The following FNBP4 variants were observed in gnomAD, a reference collection of about 807,000 sequenced individuals.
FNBP4 encodes formin binding protein 4, also known as formin-binding protein 4.
Under a neutral mutation model 119.3 loss-of-function variants are expected in FNBP4, and 34 were observed. That is an observed-to-expected ratio of 0.28 (90% CI 0.22 to 0.38). The LOEUF is 0.38. Among genes scored for constraint, FNBP4 ranks in the 10% least tolerant of loss-of-function variants. The pLI is 1.00. For synonymous variants in FNBP4, 462 were observed against 430.6 expected (o/e 1.07, Z -0.90); for missense variants, 1,112 against 1,228.9 (o/e 0.90, Z 1.42).
chr11:47,747,410 G>A (rs1355851231), intron 6 of FNBP4, among the ~76,000 whole-genome samples: 1 of 152,002 alleles, frequency 6.6e-6, no homozygotes, highest in Non-Finnish European at 1.5e-5. Flanking sequence ...GTTTCACCAC[G>A]TTGGCCAGGC....
At chr11:47,766,015 C>G (rs1159713738) in intron 1 of FNBP4, among the ~76,000 whole-genome samples, 2 of 151,904 alleles carry the variant, frequency 1.3e-5, no homozygotes, top group African/African-American at 4.8e-5. Context: ...ACTTCAACAT[C>G]AAGGGAAGAC....
intron 6 of FNBP4, 42 bp from the exon 7 acceptor site, chr11:47,746,436 C>A: frequency 6.9e-7 from 1 of 1,444,690 alleles, no homozygotes; most frequent in South Asian, 1.3e-5. Flanking sequence ...AATTCTGAAA[C>A]AAATCTCACC....
At position 47,752,123 on chromosome 11, in the gene FNBP4, C is replaced by T. The variant is rs868499735; in HGVS notation, c.637+793G>A. Among the ~76,000 whole-genome samples, 43 of 152,044 alleles carry T rather than the reference C, an allele frequency of 2.8e-4. 2 individuals carry two copies. Among genetic ancestry groups the T allele is most frequent in the Admixed American group, 1.8e-3 (28 of 15,238 alleles). ...TATCCTACCTACCATCTTCAACATG[C>T]TTTATTTAAAAAGACAGAGGTTGGG... is the stretch of plus-strand genomic sequence containing the variant. On this transcript the variant is annotated intron_variant, in intron 4 of 16. Transcript: ENST00000263773.
At chr11:47,723,675 C>T (rs1482923419) in intron 14 of FNBP4, among the ~76,000 whole-genome samples, 1 of 152,104 alleles carries the variant, frequency 6.6e-6, no homozygotes, top group African/African-American at 2.4e-5. Flanking sequence ...AGTGATCCTC[C>T]CACCTCAGTC....
At chr11:47,752,474 CTAAAGTCTAAGGT>C (rs1456502319) in intron 4 of FNBP4, among the ~76,000 whole-genome samples, 1 of 150,728 alleles carries the variant, frequency 6.6e-6, no homozygotes, top group African/African-American at 2.4e-5. Context: ...AGACAGAATC[CTAAAGTCTAAGGT>C]TAAAGTCTCT....
chr11:47,758,446 CCT>C (rs2097624793), intron 2 of FNBP4, among the ~76,000 whole-genome samples: 1 of 152,174 alleles, frequency 6.6e-6, no homozygotes, highest in Non-Finnish European at 1.5e-5. Context: ...CAAGCAATCC[CCT>C]GCCTGAGCCT....
chr11:47,743,280 C>T (rs1013094382), intron 8 of FNBP4, among the ~76,000 whole-genome samples: 8 of 152,188 alleles, frequency 5.3e-5, no homozygotes, highest in Admixed American at 2.0e-4. Context: ...ATCAGGAGTT[C>T]GAGATCAGCC....
rs377684522 is a variant in FNBP4 at position 47,723,140 on chromosome 11, T to G, written c.2641A>C (p.Ile881Leu). Residue 881 changes from isoleucine to leucine, a missense_variant, in exon 15 of 17, where the codon ATT (isoleucine) becomes CTT (leucine). By Grantham distance (5) the Ile-to-Leu change is conservative. Around this residue, in one of 2 missense-constraint regions of FNBP4, gnomAD observed 826 missense variants for 988.8 expected, o/e 0.84. Coordinates refer to ENST00000263773, the MANE Select transcript of FNBP4 (RefSeq NM_015308.5). ...TGCAATGAGGGAGCAGTCACTCCAATTGGGACAGAACATTCTGCATAACTC... is the reference window on the plus strand; with the variant it reads ...TGCAATGAGGGAGCAGTCACTCCAAGTGGGACAGAACATTCTGCATAACTC... The part of the protein sequence containing the change: ...IMSYAECSVP[I>L]GVTAPSLQPV... 29 of 1,613,962 alleles carry G rather than the reference T, an allele frequency of 1.8e-5. No homozygotes were observed. Among genetic ancestry groups the G allele is most frequent in the Non-Finnish European group, 2.0e-5 (24 of 1,180,024 alleles).
intron 9 of FNBP4, among the ~76,000 whole-genome samples, chr11:47,734,662 T>G (rs1252172814): frequency 1.3e-5 from 2 of 152,100 alleles, no homozygotes; most frequent in East Asian, 1.9e-4. Context: ...GGTCAAAGAA[T>G]ACAAACTTTC....
intron 6 of FNBP4, among the ~76,000 whole-genome samples, chr11:47,750,688 C>CCAAA (rs2097600782): frequency 1.0e-4 from 7 of 68,058 alleles, no homozygotes; most frequent in Non-Finnish European, 1.7e-4. Flanking sequence ...GACTCTGTCT[C>CCAAA]AAAAAAAAAA....
At chr11:47,743,887 AAAGAC>A in intron 8 of FNBP4, 61 bp downstream of exon 8, 1 of 1,448,646 alleles carries the variant, frequency 6.9e-7, no homozygotes, top group Non-Finnish European at 9.6e-7. Context: ...GGAAACAAAA[AAAGAC>A]AAGAGTTTCC....
intron 9 of FNBP4, among the ~76,000 whole-genome samples, chr11:47,736,283 G>C (rs1171153055): frequency 6.6e-6 from 1 of 150,748 alleles, no homozygotes; most frequent in Admixed American, 6.6e-5. Flanking sequence ...CGGGCCGGGC[G>C]CAGTGGCTGA....
At chr11:47,744,389 T>G (rs1378659652) in intron 7 of FNBP4, among the ~76,000 whole-genome samples, 3 of 151,518 alleles carry the variant, frequency 2.0e-5, no homozygotes, top group African/African-American at 7.3e-5. Flanking sequence ...TCCTCCCACC[T>G]CACCCTTCCA....
chr11:47,746,081 A>G lies in FNBP4; in HGVS notation c.1220T>C (p.Leu407Pro). Residue 407 changes from leucine (L) to proline (P), a missense_variant, in exon 7 of 17, where the codon CTG (leucine) becomes CCG (proline). This residue lies in a region of FNBP4 where 826 missense variants were observed against 988.8 expected (regional missense o/e 0.84). Coordinates refer to ENST00000263773, the MANE Select transcript of FNBP4 (RefSeq NM_015308.5). ...TTTTTTCCTTTCCAAAACTAGCTCC[A>G]GTTCAAGGGTATCTTGTTCCTCTTC... ...EEEEEQDTLE[L>P]ELVLERKKAE... 6.3e-7 allele frequency: 1 copy of G among 1,593,878 alleles called. No individual in the cohort carries two copies. Among genetic ancestry groups the G allele is most frequent in the Non-Finnish European group, 8.5e-7 (1 of 1,174,916 alleles).
At chr11:47,725,774 A>G in intron 12 of FNBP4, 1 of 982,722 alleles carries the variant, frequency 1.0e-6, no homozygotes, top group South Asian at 4.7e-5. Flanking sequence ...GTCAATAGGG[A>G]AGTTTCACAA....
At chr11:47,748,532 G>C (rs1306930071) in intron 6 of FNBP4, among the ~76,000 whole-genome samples, 1 of 151,768 alleles carries the variant, frequency 6.6e-6, no homozygotes, top group Non-Finnish European at 1.5e-5. Context: ...GTGCTACCTT[G>C]CCTGGGTAAT....
intron 15 of FNBP4, among the ~76,000 whole-genome samples, chr11:47,720,306 A>G (rs1024022331): frequency 6.6e-6 from 1 of 152,056 alleles, no homozygotes; most frequent in African/African-American, 2.4e-5. Context: ...CGGTGGCTCA[A>G]GCCTGTAATC....
chr11:47,735,402 T>A (rs527424485), intron 9 of FNBP4, among the ~76,000 whole-genome samples: 1 of 152,322 alleles, frequency 6.6e-6, no homozygotes, highest in Non-Finnish European at 1.5e-5. Context: ...GTCAAAAGAA[T>A]ATGTTAAGTG....
At chr11:47,754,415 G>C in intron 3 of FNBP4, 113 bp downstream of exon 3, 1 of 992,392 alleles carries the variant, frequency 1.0e-6, no homozygotes, top group Non-Finnish European at 1.5e-6. Flanking sequence ...AGTGTTGGAG[G>C]GAGAGGGAGA....
Sources: allele counts gnomAD v4.1 joint callset (sites outside exome capture counted in the v4.1 genomes callset), GRCh38; gene constraint gnomAD v4.1.1; regional missense constraint gnomAD v4.1.1; transcripts MANE v1.5; gene names NCBI Gene and HGNC (gene_info 2026-07-23, HGNC 2026-07-21).